The following SYNPO2L variants were observed in gnomAD, a reference collection of about 807,000 sequenced individuals.
SYNPO2L encodes the protein synaptopodin 2 like.
A neutral mutation model predicts 47.5 loss-of-function variants in SYNPO2L; 34 were observed. That is an observed-to-expected ratio of 0.72 (90% CI 0.54 to 0.95). SYNPO2L has a LOEUF of 0.95. SYNPO2L is among the 40% of genes least tolerant of loss of function. SYNPO2L has a pLI of 0.00. For synonymous variants in SYNPO2L, 536 were observed against 524.9 expected (o/e 1.02, Z -0.29); for missense variants, 1,246 against 1,282.0 (o/e 0.97, Z 0.43).
Position 73,647,702 on chromosome 10 carries a change from G to T in SYNPO2L, c.1950C>A (p.Pro650=). The change falls in exon 4 of 4, where the codon CCC becomes CCA. Residue 650 remains proline (P), a synonymous_variant. Transcript: ENST00000394810. ...GGTTCTGTACCAGCGATAGCAGCTCGGGGTTGGGCGAGTTCTTCGTCTCCT... is the reference window on the plus strand; with the variant it reads ...GGTTCTGTACCAGCGATAGCAGCTCTGGGTTGGGCGAGTTCTTCGTCTCCT... ...GKEETKNSPN[P]ELLSLVQNLD... 6.2e-7 allele frequency: 1 copy of T among 1,614,140 alleles called. No individual in the cohort carries two copies. The highest frequency in any genetic ancestry group is 1.3e-5 in the African/African-American group (1 of 75,050).
Position 73,646,284 on chromosome 10 carries a change from CAG to C in SYNPO2L, c.*432_*433del, listed in dbSNP as rs2081748427. The stretch of plus-strand genomic sequence containing the variant: ...GGGGGTGGGGGTGGCTTAGTGCAAA[CAG>C]GGGTCAGTTCAGTCCCTTTGCTGTG... On this transcript the variant is annotated 3_prime_UTR_variant, in exon 4 of 4. Transcript: ENST00000394810. The C allele has an allele frequency of 8.1e-6, 8 of 993,102 alleles. No individual in the cohort carries two copies. Among genetic ancestry groups the C allele is most frequent in the South Asian group, 4.6e-5 (1 of 21,816 alleles). The allele number at this position is 993,102 out of a possible 1,614,324, so 61.5% of individuals were successfully genotyped here. A position where few individuals can be genotyped will look rare whatever the true frequency, so the allele number is the denominator to read the frequency against.
intron 3 of SYNPO2L, among the ~76,000 whole-genome samples, chr10:73,652,857 C>T (rs1179200916): frequency 1.3e-5 from 2 of 152,178 alleles, no homozygotes; most frequent in East Asian, 3.9e-4. Flanking sequence ...ACAATTATCA[C>T]CACCACCAAA....
rs531001409 is a variant in SYNPO2L, at chr10:73,646,045, C to T, written c.*673G>A. ...TTCACCGTGTTAGCCAGGATGGTCT[C>T]GATCTCCTGACCTCGTGATCCGCCC... On this transcript the variant is annotated 3_prime_UTR_variant, in exon 4 of 4. Coordinates refer to ENST00000394810, the MANE Select transcript of SYNPO2L (RefSeq NM_001114133.3). 28 of 964,572 alleles carry T rather than the reference C, an allele frequency of 2.9e-5. No homozygotes were observed. Among genetic ancestry groups the T allele is most frequent in the African/African-American group, 1.9e-4 (11 of 57,016 alleles). 59.8% of individuals were successfully genotyped at this position (964,572 alleles called of 1,614,324 possible). A position where few individuals can be genotyped will look rare whatever the true frequency, so the allele number is the denominator to read the frequency against.
chr10:73,651,084 TC>T, intron 3 of SYNPO2L: 1 of 1,482,282 alleles, frequency 6.7e-7, no homozygotes, highest in Non-Finnish European at 9.0e-7. Context: ...CTTTGTCTTG[TC>T]CCCAGAGCTG....
At position 73,647,091 on chromosome 10, in the gene SYNPO2L, G is replaced by T; in HGVS notation, c.2561C>A (p.Pro854His). Residue 854 changes from proline (P) to histidine (H), a missense_variant, in exon 4 of 4, where the codon CCC (proline) becomes CAC (histidine). Pro to His is a moderately conservative substitution (Grantham distance 77, BLOSUM62 -2). This residue lies in a region of SYNPO2L where 1,037 missense variants were observed against 1,021.5 expected (regional missense o/e 1.02). Transcript: ENST00000394810. Reference protein sequence around the residue: ...IKALDFMRHQPYQLKTAMFCF... With the variant: ...IKALDFMRHQHYQLKTAMFCF... ...GAACATGGCAGTTTTAAGTTGATAGGGCTGATGCCGCATAAAATCTAGAGC... is the reference window on the plus strand; with the variant it reads ...GAACATGGCAGTTTTAAGTTGATAGTGCTGATGCCGCATAAAATCTAGAGC... 6.2e-7 allele frequency: 1 copy of T among 1,613,900 alleles called. No individual in the cohort carries two copies. The highest frequency in any genetic ancestry group is 1.1e-5 in the South Asian group (1 of 91,066).
intron 3 of SYNPO2L, chr10:73,650,741 A>G (rs758936603): frequency 1.0e-6 from 1 of 985,426 alleles, no homozygotes; most frequent in Non-Finnish European, 1.2e-6. Flanking sequence ...ATGTGACCAC[A>G]GCATCACTGA....
Position 73,646,437 on chromosome 10 carries a change from G to A in SYNPO2L, c.*281C>T. The stretch of plus-strand genomic sequence containing the variant: ...TGTCAAGGAAGAGAGATCTGTGGAG[G>A]AATATGGGTGGAGAAGCCTGGAAAT... On this transcript the variant is annotated 3_prime_UTR_variant, in exon 4 of 4. Transcript: ENST00000394810. 4 of 1,152,848 alleles carry A rather than the reference G, an allele frequency of 3.5e-6. No individual in the cohort carries two copies. The highest frequency in any genetic ancestry group is 2.1e-6 in the Non-Finnish European group (2 of 938,470). The allele number at this position is 1,152,848 out of a possible 1,614,324, so 71.4% of individuals were successfully genotyped here. A position where few individuals can be genotyped will look rare whatever the true frequency, so the allele number is the denominator to read the frequency against.
rs765818368 is a variant in SYNPO2L at position 73,654,167 on chromosome 10, G to A, written c.219C>T (p.Ile73=). The A allele has an allele frequency of 2.6e-5, 40 of 1,551,700 alleles. No individual in the cohort carries two copies. Among genetic ancestry groups the A allele is most frequent in the Admixed American group, 7.8e-5 (4 of 51,006 alleles). Residue 73 remains isoleucine (I), a synonymous_variant, in exon 2 of 4, where the codon ATC becomes ATT. Coordinates refer to ENST00000394810, the MANE Select transcript of SYNPO2L (RefSeq NM_001114133.3). The part of the protein sequence containing the change: ...NLSHASAMSL[I]DASGNQLVLT... ...GGACAAGCTGATTTCCTGAGGCATC[G>A]ATGAGGCTCATGGCACTGGCATGGG...
intron 3 of SYNPO2L, among the ~76,000 whole-genome samples, chr10:73,651,964 A>C (rs1397537565): frequency 6.7e-6 from 1 of 148,960 alleles, no homozygotes; most frequent in African/African-American, 2.5e-5. Context: ...AATCCCAGCT[A>C]CTCGGGAGGC....
Position 73,647,545 on chromosome 10 carries a change from G to A in SYNPO2L, c.2107C>T (p.Pro703Ser). 6.2e-7 allele frequency: 1 copy of A among 1,601,778 alleles called. No homozygotes were observed. Among genetic ancestry groups the A allele is most frequent in the Non-Finnish European group, 8.5e-7 (1 of 1,171,986 alleles). ...RSYKTLPHVT[P>S]KTPPPMAPKT... ...GGAGCCATTGGAGGGGGGGTCTTAG[G>A]TGTCACGTGAGGCAGGGTCTTGTAA... Residue 703 changes from proline (P) to serine (S), a missense_variant, in exon 4 of 4, where the codon CCT becomes TCT. This residue lies in a region of SYNPO2L where 1,037 missense variants were observed against 1,021.5 expected (regional missense o/e 1.02). Transcript: ENST00000394810.
chr10:73,645,679 A>G lies in SYNPO2L; in HGVS notation c.*1039T>C, dbSNP rs369876802. 4.3e-5 allele frequency: 42 copies of G among 985,980 alleles called. No individual in the cohort carries two copies. The African/African-American group carries it at 6.5e-4, about 15-fold the overall frequency. 61.1% of individuals were successfully genotyped at this position (985,980 alleles called of 1,614,324 possible). ...TGGCCCTTCAGTCTTTTCATGCTCC[A>G]TAACTTTCACAAGATGCTGTACACC... On this transcript the variant is annotated 3_prime_UTR_variant, in exon 4 of 4. Coordinates refer to ENST00000394810, the MANE Select transcript of SYNPO2L (RefSeq NM_001114133.3).
Position 73,646,617 on chromosome 10 carries a change from A to C in SYNPO2L, c.*101T>G. ...TGGAAACCATCTCTGGCAGGAGGCA[A>C]TTTAGCTTCCAGATGCGTGACAGGG... On this transcript the variant is annotated 3_prime_UTR_variant, in exon 4 of 4. Coordinates refer to ENST00000394810, the MANE Select transcript of SYNPO2L (RefSeq NM_001114133.3). 1.5e-6 allele frequency: 2 copies of C among 1,344,990 alleles called. No individual in the cohort carries two copies. Among genetic ancestry groups the C allele is most frequent in the East Asian group, 2.7e-5 (1 of 37,100 alleles). The allele number at this position is 1,344,990 out of a possible 1,614,324, so 83.3% of individuals were successfully genotyped here.
chr10:73,647,564 C>G lies in SYNPO2L; in HGVS notation c.2088G>C (p.Lys696Asn). 1.2e-6 allele frequency: 2 copies of G among 1,608,794 alleles called. No homozygotes were observed. The highest frequency in any genetic ancestry group is 1.7e-6 in the Non-Finnish European group (2 of 1,176,346). Residue 696 changes from lysine (K) to asparagine (N), a missense_variant, in exon 4 of 4, where the codon AAG (lysine) becomes AAC (asparagine). Lys to Asn is a moderately conservative substitution (Grantham distance 94). Transcript: ENST00000394810. ...TCTTAGGTGTCACGTGAGGCAGGGTCTTGTAACTCCTGGCCCCTACTGGCT... is the reference window on the plus strand; with the variant it reads ...TCTTAGGTGTCACGTGAGGCAGGGTGTTGTAACTCCTGGCCCCTACTGGCT... ...FMQPVGARSY[K>N]TLPHVTPKTP...
intron 3 of SYNPO2L, chr10:73,650,747 A>T: frequency 3.0e-6 from 3 of 985,364 alleles, no homozygotes; most frequent in Non-Finnish European, 3.6e-6. Context: ...CCACAGCATC[A>T]CTGAGAAAGG....
rs767685931 is a variant in SYNPO2L at position 73,648,035 on chromosome 10, G to C, written c.1617C>G (p.Arg539=). The change falls in exon 4 of 4, where the codon CGC becomes CGG. Residue 539 remains arginine, a synonymous_variant. Coordinates refer to ENST00000394810, the MANE Select transcript of SYNPO2L (RefSeq NM_001114133.3). ...APVSGSPSTP[R]SSGPVTATSS... ...TGGTGGCTGTCACAGGGCCCGAGGAGCGTGGGGTGCTGGGGGAACCAGAGA... is the reference window on the plus strand; with the variant it reads ...TGGTGGCTGTCACAGGGCCCGAGGACCGTGGGGTGCTGGGGGAACCAGAGA... 6.3e-7 allele frequency: 1 copy of C among 1,592,374 alleles called. No homozygotes were observed. Among genetic ancestry groups the C allele is most frequent in the South Asian group, 1.1e-5 (1 of 87,628 alleles).
Position 73,648,615 on chromosome 10 carries a change from A to C in SYNPO2L, c.1037T>G (p.Leu346Arg). 11 of 1,614,018 alleles carry C rather than the reference A, an allele frequency of 6.8e-6. No individual in the cohort carries two copies. The highest frequency in any genetic ancestry group is 8.5e-6 in the Non-Finnish European group (10 of 1,179,938). The change falls in exon 4 of 4, where the codon CTC (leucine) becomes CGC (arginine). Residue 346 changes from leucine to arginine, a missense_variant. Around this residue, in one of 3 missense-constraint regions of SYNPO2L, gnomAD observed 1,037 missense variants for 1,021.5 expected, o/e 1.02. Coordinates refer to ENST00000394810, the MANE Select transcript of SYNPO2L (RefSeq NM_001114133.3). The part of the protein sequence containing the change: ...DEEAFSDARS[L>R]TNQSDWDSPY... ...ACTGTCCCAGTCAGATTGATTGGTG[A>C]GGCTGCGGGCGTCAGAGAAGGCTTC...
chr10:73,650,707 C>T (rs554109042), intron 3 of SYNPO2L: 2 of 985,398 alleles, frequency 2.0e-6, no homozygotes, highest in East Asian at 1.1e-4. Context: ...TTCTACAGCT[C>T]TTGTGGTCAG....
At position 73,647,417 on chromosome 10, in the gene SYNPO2L, C is replaced by T; in HGVS notation, c.2235G>A (p.Ser745=). The T allele has an allele frequency of 1.9e-6, 3 of 1,612,694 alleles. No individual in the cohort carries two copies. Among genetic ancestry groups the T allele is most frequent in the Middle Eastern group, 1.7e-4 (1 of 6,056 alleles). ...LDGLVNGAAS[S]AGIPEPPRLQ... Reference sequence around the variant, plus strand: ...GCCTTGGTGGCTCAGGGATTCCAGCCGAAGAGGCTGCCCCATTCACGAGCC... The same window carrying T: ...GCCTTGGTGGCTCAGGGATTCCAGCTGAAGAGGCTGCCCCATTCACGAGCC... The change falls in exon 4 of 4, where the codon TCG becomes TCA. Residue 745 remains serine, a synonymous_variant. Coordinates refer to ENST00000394810, the MANE Select transcript of SYNPO2L (RefSeq NM_001114133.3).
Position 73,647,263 on chromosome 10 carries a change from G to T in SYNPO2L, c.2389C>A (p.Pro797Thr), listed in dbSNP as rs148367718. ...ATGTTGGGTGAATATTTCCAGGAAG[G>T]GGGCAGAGACGGGGTAGGAGAAGGA... ...RSPSPTPSLP[P>T]SWKYSPNIRA... Residue 797 changes from proline (P) to threonine (T), a missense_variant, in exon 4 of 4, where the codon CCT becomes ACT. This residue lies in a region of SYNPO2L where 1,037 missense variants were observed against 1,021.5 expected (regional missense o/e 1.02). Transcript: ENST00000394810. 7 of 1,614,088 alleles carry T rather than the reference G, an allele frequency of 4.3e-6. No homozygotes were observed. The highest frequency in any genetic ancestry group is 2.2e-5 in the South Asian group (2 of 91,088).
Sources: gnomAD v4.1 joint callset for allele counts (sites outside exome capture counted in the v4.1 genomes callset) on GRCh38, gnomAD v4.1.1 for gene constraint, gnomAD v4.1.1 regional missense constraint, MANE v1.5 for transcripts, NCBI Gene and HGNC (gene_info 2026-07-23, HGNC 2026-07-21) for gene names.